The following ANOS1 variants were observed in gnomAD, a reference collection of about 807,000 sequenced individuals.
ANOS1 encodes the protein anosmin-1.
Under a neutral mutation model 59.0 loss-of-function variants are expected in ANOS1, and 6 were observed. The observed-to-expected ratio is 0.10, with a 90% CI of 0.06 to 0.20. The LOEUF (loss-of-function observed/expected upper bound fraction) is 0.20. Ranked by LOEUF, ANOS1 falls within the 10% of genes least tolerant of loss-of-function variation. The pLI is 1.00. For missense variants in ANOS1, 433 were observed against 542.3 expected (o/e 0.80, Z 2.00); for synonymous variants, 217 against 223.4 (o/e 0.97, Z 0.25).
At chrX:8,650,853 G>C (rs1313542126) in intron 2 of ANOS1, among the ~76,000 whole-genome samples, 1 of 112,633 alleles carries the variant, frequency 8.9e-6, no homozygotes, top group Non-Finnish European at 1.9e-5. Flanking sequence ...TAGTCACAGA[G>C]GGAGTACTGG....
chrX:8,636,955 G>C (rs1180959261), intron 2 of ANOS1, among the ~76,000 whole-genome samples: 1 of 112,279 alleles, frequency 8.9e-6, no homozygotes. Flanking sequence ...GTTATGGATG[G>C]AAAACTCCGT....
Position 8,597,204 on chromosome X carries a change from T to C in ANOS1, c.371A>G (p.Lys124Arg). 8.3e-7 allele frequency: 1 copy of C among 1,211,861 alleles called. No homozygotes were observed. Among genetic ancestry groups the C allele is most frequent in the Non-Finnish European group, 1.1e-6 (1 of 895,506 alleles). ...YECLTSCEFL[K>R]YILLVKQGDC... ...CCCCTGCTTCACCAACAGGATGTAT[T>C]TGAGGAACTCACAGCTGGTCAAGCA... is the stretch of plus-strand genomic sequence containing the variant. The change falls in exon 4 of 14, where the codon AAA becomes AGA. Residue 124 changes from lysine to arginine, a missense_variant. Lys to Arg is a conservative substitution (Grantham distance 26). Coordinates refer to ENST00000262648, the MANE Select transcript of ANOS1 (RefSeq NM_000216.4).
chrX:8,587,764 T>G, intron 5 of ANOS1, 30 bp downstream of exon 5: 5 of 1,155,743 alleles, frequency 4.3e-6, no homozygotes, highest in Non-Finnish European at 4.7e-6. Context: ...ACCTCCAGGA[T>G]GAAAATCAAA....
chrX:8,535,637 T>C lies in ANOS1; in HGVS notation c.1796A>G (p.Asn599Ser). Residue 599 changes from asparagine to serine, a missense_variant, in exon 12 of 14, where the codon AAC becomes AGC. Physicochemically the swap from Asn to Ser is conservative, Grantham distance 46. Transcript: ENST00000262648. ...WAEVTTESRQ[N>S]SLPNSIISQS... is the part of the protein sequence containing the mutation. ...TGAAATAATGCTGTTGGGTAGGCTG[T>C]TCTGTCTGCTTTCCGTAGTGACCTC... 1 of 1,210,828 alleles carries C rather than the reference T, an allele frequency of 8.3e-7. No individual in the cohort carries two copies.
chrX:8,725,581 GATATAT>G (rs765778638), intron 1 of ANOS1, among the ~76,000 whole-genome samples: 23,139 of 75,007 alleles, frequency 0.31, 5,411 homozygotes, highest in East Asian at 0.48. Flanking sequence ...CATATATACA[GATATAT>G]ATATACAGAT....
chrX:8,537,174 A>C (rs1929609949), intron 10 of ANOS1, among the ~76,000 whole-genome samples: 1 of 111,945 alleles, frequency 8.9e-6, no homozygotes, highest in African/African-American at 3.2e-5. Flanking sequence ...CAGTATCATA[A>C]TAATTCCTCA....
At position 8,608,705 on chromosome X, in the gene ANOS1, C is replaced by T. The variant is rs1167318726; in HGVS notation, c.319-11449G>A. Among the ~76,000 whole-genome samples, 3 of 111,701 alleles carry T rather than the reference C, an allele frequency of 2.7e-5. No homozygotes were observed. In the Admixed American group the frequency reaches 2.8e-4, roughly 11 times the overall value. ...TAATCTCCATGTGTCAAAGAAGAGACCAGGTGGGAGTAATTGAATCATGGG... is the reference window on the plus strand; with the variant it reads ...TAATCTCCATGTGTCAAAGAAGAGATCAGGTGGGAGTAATTGAATCATGGG... On this transcript the variant is annotated intron_variant, in intron 3 of 13. Transcript: ENST00000262648.
chrX:8,610,006 C>CAA (rs1167209336), intron 3 of ANOS1, among the ~76,000 whole-genome samples: 13 of 9,150 alleles, frequency 1.4e-3, no homozygotes, highest in East Asian at 5.7e-3. Context: ...GACTCCATCT[C>CAA]AAAAAAAAAA....
intron 2 of ANOS1, among the ~76,000 whole-genome samples, chrX:8,668,430 TACACAC>T (rs1555900813): frequency 3.7e-5 from 3 of 80,250 alleles, no homozygotes. Context: ...TATATATATA[TACACAC>T]ACATACATAT....
chrX:8,668,008 T>C (rs1444752937), intron 2 of ANOS1, among the ~76,000 whole-genome samples: 1 of 111,017 alleles, frequency 9.0e-6, no homozygotes. Flanking sequence ...GTGTCAAGTG[T>C]CAGGCGTATT....
chrX:8,686,285 C>T (rs1320157095), intron 2 of ANOS1, among the ~76,000 whole-genome samples: 3 of 111,672 alleles, frequency 2.7e-5, no homozygotes, highest in East Asian at 2.8e-4. Context: ...ATCCTTCTAC[C>T]GATTTATTAT....
rs190350382 is a variant in ANOS1, at chrX:8,645,565, T to A, written c.256-21895A>T. ...CCACTCTTCTTCTGAATGTGTTCTC[T>A]TTAAGCTTTGTTGTTGTTGCTGTTG... On this transcript the variant is annotated intron_variant, in intron 2 of 13. Transcript: ENST00000262648. 1.7e-3 allele frequency among the ~76,000 whole-genome samples: 193 copies of A among 112,055 alleles called. 1 individual carries two copies. Among genetic ancestry groups the A allele is most frequent in the African/African-American group, 5.8e-3 (180 of 30,870 alleles).
intron 7 of ANOS1, among the ~76,000 whole-genome samples, chrX:8,570,151 A>AC (rs1468439988): frequency 9.0e-6 from 1 of 110,987 alleles, no homozygotes; most frequent in African/African-American, 3.3e-5. Flanking sequence ...AAAAAAAAAA[A>AC]AAAAAAACTT....
intron 2 of ANOS1, among the ~76,000 whole-genome samples, chrX:8,679,372 T>C (rs1379087862): frequency 9.0e-6 from 1 of 110,857 alleles, no homozygotes; most frequent in Non-Finnish European, 1.9e-5. Flanking sequence ...AGAAGGAAAT[T>C]AGAATGATGG....
chrX:8,674,630 A>C (rs1932307257), intron 2 of ANOS1, among the ~76,000 whole-genome samples: 1 of 112,642 alleles, frequency 8.9e-6, no homozygotes, highest in Admixed American at 9.4e-5. Flanking sequence ...ACAATGTTTT[A>C]AGAAAGTTTA....
At chrX:8,663,948 A>C (rs1932084428) in intron 2 of ANOS1, among the ~76,000 whole-genome samples, 2 of 111,212 alleles carry the variant, frequency 1.8e-5, no homozygotes, top group Admixed American at 1.9e-4. Context: ...CTAACACAGG[A>C]GCAGAAAACC....
rs183904902 is a variant in ANOS1, at chrX:8,586,653, C to T, written c.726+1141G>A. 6.9e-3 allele frequency among the ~76,000 whole-genome samples: 766 copies of T among 111,531 alleles called. 2 individuals are homozygous for T. The highest frequency in any genetic ancestry group is 0.01 in the Non-Finnish European group (537 of 53,053). On this transcript the variant is annotated intron_variant, in intron 5 of 13. Transcript: ENST00000262648. ...AAAAATTACAAATGAATCTGTACCACGATTTATGAAAGCATGCCGTGTAAA... is the reference window on the plus strand; with the variant it reads ...AAAAATTACAAATGAATCTGTACCATGATTTATGAAAGCATGCCGTGTAAA...
Position 8,539,095 on chromosome X carries a change from C to A in ANOS1, c.1449+569G>T, listed in dbSNP as rs367560140. On this transcript the variant is annotated intron_variant, in intron 10 of 13. Transcript: ENST00000262648. ...TCTAATCTATAATTCATGAATGAACCCCAAAATATTTGGAATAACATTTTG... is the reference window on the plus strand; with the variant it reads ...TCTAATCTATAATTCATGAATGAACACCAAAATATTTGGAATAACATTTTG... 2.7e-5 allele frequency among the ~76,000 whole-genome samples: 3 copies of A among 109,942 alleles called. No individual in the cohort carries two copies. In the East Asian group the frequency reaches 8.6e-4, roughly 32 times the overall value.
At chrX:8,659,221 T>C (rs180749465) in intron 2 of ANOS1, among the ~76,000 whole-genome samples, 2,218 of 94,586 alleles carry the variant, frequency 0.023, 74 homozygotes, top group African/African-American at 0.086. Flanking sequence ...AATGAGACTC[T>C]GTCTCAATAA....
Sources: gnomAD v4.1 joint callset for allele counts (sites outside exome capture counted in the v4.1 genomes callset) on GRCh38, gnomAD v4.1.1 for gene constraint, MANE v1.5 for transcripts, NCBI Gene and HGNC (gene_info 2026-07-23, HGNC 2026-07-21) for gene names.